The following HSD17B7 variants were observed in gnomAD, a reference collection of about 807,000 sequenced individuals.
HSD17B7 encodes the protein hydroxysteroid 17-beta dehydrogenase 7, also known as 3-keto-steroid reductase/17-beta-hydroxysteroid dehydrogenase 7.
Under a neutral mutation model 34.1 loss-of-function variants are expected in HSD17B7, and 17 were observed. The observed-to-expected ratio is 0.50, with a 90% CI of 0.34 to 0.75. The LOEUF (loss-of-function observed/expected upper bound fraction) is 0.75. Ranked by LOEUF, HSD17B7 falls within the 30% of genes least tolerant of loss-of-function variation. The pLI is 0.01. For missense variants in HSD17B7, 296 were observed against 406.6 expected, an observed-to-expected ratio of 0.73 and a Z score of 2.34; for synonymous variants, 122 against 154.6, an observed-to-expected ratio of 0.79 and a Z score of 1.56.
intron 1 of HSD17B7, among the ~76,000 whole-genome samples, chr1:162,791,706 GAGTA>G (rs1344162031): frequency 2.0e-5 from 3 of 150,350 alleles, no homozygotes; most frequent in Non-Finnish European, 4.4e-5. Flanking sequence ...GGAAGGTACT[GAGTA>G]AGTCAGAATT....
intron 8 of HSD17B7, among the ~76,000 whole-genome samples, chr1:162,807,348 C>T (rs1649020494): frequency 6.6e-6 from 1 of 152,158 alleles, no homozygotes; most frequent in African/African-American, 2.4e-5. Flanking sequence ...GTATATGTGC[C>T]ACATTTTCTT....
In HSD17B7 at chr1:162,797,689, T is replaced by C. The variant is rs2257867; in HGVS notation, c.333-113T>C. 684 of 1,468,298 alleles carry C rather than the reference T, an allele frequency of 4.7e-4. 3 individuals carry two copies. The African/African-American group carries it at 8.5e-3, about 18-fold the overall frequency. 91.0% of individuals were successfully genotyped at this position (1,468,298 alleles called of 1,614,324 possible). A position where few individuals can be genotyped will look rare whatever the true frequency, so the allele number is the denominator to read the frequency against. ...ATAGGTATTTTTATTCCTGTCATTA[T>C]AGAATCAAGGGAGGTGTAGTTTATG... On this transcript the variant is annotated intron_variant, in intron 3 of 8. Transcript: ENST00000254521.
chr1:162,808,743 G>C (rs1178629069), intron 8 of HSD17B7, among the ~76,000 whole-genome samples: 2 of 152,106 alleles, frequency 1.3e-5, no homozygotes. Context: ...GTGAATGGGA[G>C]TTCACTCATG....
intron 1 of HSD17B7, among the ~76,000 whole-genome samples, chr1:162,791,209 C>T (rs1648394509): frequency 1.3e-5 from 2 of 152,052 alleles, no homozygotes; most frequent in Admixed American, 6.5e-5. Flanking sequence ...TCTTATACTC[C>T]AGGTGTTTTG....
rs1353849676 is a variant in HSD17B7 at position 162,803,450 on chromosome 1, C to G, written c.662C>G (p.Ala221Gly). 6.2e-7 allele frequency: 1 copy of G among 1,612,628 alleles called. No individual in the cohort carries two copies. The highest frequency in any genetic ancestry group is 8.5e-7 in the Non-Finnish European group (1 of 1,179,046). Residue 221 changes from alanine to glycine, a missense_variant, in exon 6 of 9, where the codon GCC (alanine) becomes GGC (glycine). Ala to Gly is a moderately conservative substitution (Grantham distance 60). Coordinates refer to ENST00000254521, the MANE Select transcript of HSD17B7 (RefSeq NM_016371.4). ...TCCTAGGGTCTCTATTCCAATGTGGCCTGTCCAGGTACAGCATTGACCAAT... is the reference window on the plus strand; with the variant it reads ...TCCTAGGGTCTCTATTCCAATGTGGGCTGTCCAGGTACAGCATTGACCAAT... ...FNQQGLYSNV[A>G]CPGTALTNLT...
At chr1:162,805,622 G>A (rs1270523611) in intron 8 of HSD17B7, 130 bp downstream of exon 8, 1 of 1,402,238 alleles carries the variant, frequency 7.1e-7, no homozygotes, top group Admixed American at 2.7e-5. Flanking sequence ...CATCACACTG[G>A]CCTGATTTTA....
Position 162,812,175 on chromosome 1 carries a change from A to C in HSD17B7, c.904-123A>C, listed in dbSNP as rs1325728240. On this transcript the variant is annotated intron_variant, in intron 8 of 8. Coordinates refer to ENST00000254521, the MANE Select transcript of HSD17B7 (RefSeq NM_016371.4). ...TCTCAGCTTCTTCCACGTGTCTGCC[A>C]CCATGGCCCTTTCCTGCTGCCTCCT... 4.7e-6 allele frequency: 6 copies of C among 1,269,790 alleles called. No individual in the cohort carries two copies. In the East Asian group the frequency reaches 1.6e-4, roughly 33 times the overall value. 78.7% of individuals were successfully genotyped at this position (1,269,790 alleles called of 1,614,324 possible).
At chr1:162,805,295 TTGTC>T (rs1558096311) in intron 7 of HSD17B7, 95 bp from the exon 8 acceptor site, 1 of 1,455,790 alleles carries the variant, frequency 6.9e-7, no homozygotes, top group African/African-American at 1.4e-5. Flanking sequence ...TGTTTATAAT[TTGTC>T]TGGGGAGCTC....
chr1:162,804,945 G>C (rs1387619070), intron 7 of HSD17B7, among the ~76,000 whole-genome samples: 1 of 152,192 alleles, frequency 6.6e-6, no homozygotes, highest in Non-Finnish European at 1.5e-5. Flanking sequence ...TAACGGTTCA[G>C]AATTGTCCTA....
intron 8 of HSD17B7, among the ~76,000 whole-genome samples, chr1:162,806,641 A>G (rs2102236586): frequency 1.3e-5 from 2 of 152,368 alleles, no homozygotes; most frequent in Middle Eastern, 6.8e-3. Flanking sequence ...AGCAAATTTT[A>G]CATAACCTGT....
chr1:162,793,280 G>A (rs1186397904), intron 2 of HSD17B7, among the ~76,000 whole-genome samples: 2 of 152,138 alleles, frequency 1.3e-5, no homozygotes, highest in African/African-American at 2.4e-5. Context: ...TGATCCACCC[G>A]CCTCGGCCTC....
At chr1:162,806,673 A>G (rs1389231239) in intron 8 of HSD17B7, among the ~76,000 whole-genome samples, 5 of 152,348 alleles carry the variant, frequency 3.3e-5, no homozygotes, top group African/African-American at 9.6e-5. Context: ...GGGGAATTCT[A>G]TTGTAAACTA....
chr1:162,811,039 A>G (rs997452604), intron 8 of HSD17B7, among the ~76,000 whole-genome samples: 1 of 152,226 alleles, frequency 6.6e-6, no homozygotes, highest in African/African-American at 2.4e-5. Flanking sequence ...GTTTCTTCCT[A>G]GCATCGCTGG....
chr1:162,805,143 C>G (rs562076018), intron 7 of HSD17B7, among the ~76,000 whole-genome samples: 1 of 152,168 alleles, frequency 6.6e-6, no homozygotes, highest in Non-Finnish European at 1.5e-5. Context: ...GGCTTTGATG[C>G]TCTTGTTTTG....
At chr1:162,797,385 A>C (rs1282741950) in intron 3 of HSD17B7, 1 of 161,262 alleles carries the variant, frequency 6.2e-6, no homozygotes, top group East Asian at 1.8e-4. Context: ...AAGTATTCCC[A>C]GTTAAAAAAA....
intron 5 of HSD17B7, among the ~76,000 whole-genome samples, chr1:162,800,828 A>G (rs1282735536): frequency 1.3e-5 from 2 of 152,260 alleles, no homozygotes; most frequent in East Asian, 1.9e-4. Flanking sequence ...GTGAAATAAG[A>G]TGATGATCAA....
At chr1:162,794,308 T>C (rs1260719564) in intron 2 of HSD17B7, among the ~76,000 whole-genome samples, 2 of 152,238 alleles carry the variant, frequency 1.3e-5, no homozygotes, top group South Asian at 4.1e-4. Flanking sequence ...TTTATGTGAA[T>C]TGATAATCAT....
chr1:162,793,890 T>A (rs1485314361), intron 2 of HSD17B7, among the ~76,000 whole-genome samples: 2 of 149,124 alleles, frequency 1.3e-5, no homozygotes, highest in Non-Finnish European at 2.9e-5. Flanking sequence ...AAGGGGTATT[T>A]TTTTTCCCTA....
At chr1:162,808,807 C>T (rs367616989) in intron 8 of HSD17B7, among the ~76,000 whole-genome samples, 3 of 152,198 alleles carry the variant, frequency 2.0e-5, no homozygotes, top group East Asian at 3.9e-4. Context: ...GTGATTTTTG[C>T]ACATTGATTT....
Sources: gnomAD v4.1 joint callset for allele counts (sites outside exome capture counted in the v4.1 genomes callset) on GRCh38, gnomAD v4.1.1 for gene constraint, MANE v1.5 for transcripts, NCBI Gene and HGNC (gene_info 2026-07-23, HGNC 2026-07-21) for gene names.